Variants in SCYL2 observed in about 807,000 individuals in gnomAD.
The protein encoded by SCYL2 is SCY1 like pseudokinase 2.
In SCYL2, 36 loss-of-function variants were observed where a neutral mutation model predicts 100.4. The ratio of observed to expected loss-of-function variants is 0.36; its 90% CI spans 0.27 to 0.47. The LOEUF (loss-of-function observed/expected upper bound fraction) is 0.47. Ranked by LOEUF, SCYL2 falls within the 20% of genes least tolerant of loss-of-function variation. The pLI is 1.00. For missense variants in SCYL2, 902 were observed against 1,083.9 expected, an observed-to-expected ratio of 0.83 and a Z score of 2.36; for synonymous variants, 330 against 359.2, an observed-to-expected ratio of 0.92 and a Z score of 0.92.
At chr12:100,290,078 G>C (rs1308099871) in intron 2 of SCYL2, among the ~76,000 whole-genome samples, 1 of 152,084 alleles carries the variant, frequency 6.6e-6, no homozygotes, top group African/African-American at 2.4e-5. Flanking sequence ...GAATATGTCA[G>C]GTATTACAAT....
intron 17 of SCYL2, 119 bp downstream of exon 17, chr12:100,337,625 T>TG (rs1309057001): frequency 2.0e-6 from 2 of 1,002,386 alleles, no homozygotes; most frequent in Non-Finnish European, 1.5e-6. Context: ...CCTTAATATG[T>TG]GGTTTCTAAG....
rs1333362781 is a variant in SCYL2, at chr12:100,338,513, T to G, written c.2146-15T>G. 3 of 1,537,936 alleles carry G rather than the reference T, an allele frequency of 2.0e-6. No individual in the cohort carries two copies. The highest frequency in any genetic ancestry group is 2.6e-6 in the Non-Finnish European group (3 of 1,137,016). On this transcript the variant is annotated splice_polypyrimidine_tract_variant and intron_variant, in intron 17 of 17. Transcript: ENST00000360820. ...ATATTTCTTAGAGATAAAGTAATTC[T>G]CTCATATTTTTCAGACTAAGGACTT... is the stretch of plus-strand genomic sequence containing the variant.
intron 3 of SCYL2, among the ~76,000 whole-genome samples, chr12:100,292,587 C>CT (rs1204843553): frequency 6.6e-6 from 1 of 152,008 alleles, no homozygotes; most frequent in Non-Finnish European, 1.5e-5. Context: ...GGCACAAGAT[C>CT]TTTTTTTTAA....
chr12:100,302,330 G>C (rs919567214), intron 4 of SCYL2, among the ~76,000 whole-genome samples: 5 of 152,158 alleles, frequency 3.3e-5, no homozygotes, highest in African/African-American at 1.2e-4. Context: ...CCCAGCCCAG[G>C]ACTAAGAGTT....
chr12:100,277,350 A>G (rs1379689337), intron 1 of SCYL2, among the ~76,000 whole-genome samples: 1 of 152,176 alleles, frequency 6.6e-6, no homozygotes, highest in Non-Finnish European at 1.5e-5. Flanking sequence ...ACTAAGTGAG[A>G]ACTCTTGAAG....
At chr12:100,315,074 A>C (rs1255767431) in intron 8 of SCYL2, among the ~76,000 whole-genome samples, 1 of 152,238 alleles carries the variant, frequency 6.6e-6, no homozygotes, top group Non-Finnish European at 1.5e-5. Flanking sequence ...CCAGTGTTTA[A>C]TCTATCAGAT....
At chr12:100,294,107 G>A (rs866332903) in intron 3 of SCYL2, among the ~76,000 whole-genome samples, 27 of 140,852 alleles carry the variant, frequency 1.9e-4, no homozygotes, top group African/African-American at 2.8e-4. Flanking sequence ...AGGGGCGGCC[G>A]GGCAGAGGCG....
At chr12:100,310,636 A>C (rs957354581) in intron 4 of SCYL2, among the ~76,000 whole-genome samples, 1 of 152,220 alleles carries the variant, frequency 6.6e-6, no homozygotes, top group Non-Finnish European at 1.5e-5. Context: ...GTATAATGCT[A>C]TTCAGGAAAA....
intron 2 of SCYL2, among the ~76,000 whole-genome samples, chr12:100,289,618 T>C (rs1188549022): frequency 6.6e-6 from 1 of 152,234 alleles, no homozygotes; most frequent in African/African-American, 2.4e-5. Flanking sequence ...ACTTTAGCTG[T>C]AGAGTGTATT....
chr12:100,289,797 G>GT (rs1372941525), intron 2 of SCYL2, among the ~76,000 whole-genome samples: 2 of 152,108 alleles, frequency 1.3e-5, no homozygotes, highest in African/African-American at 4.8e-5. Context: ...TATGCTGCAT[G>GT]TTTTTTTCTG....
At chr12:100,323,273 A>T (rs2096358190) in intron 10 of SCYL2, among the ~76,000 whole-genome samples, 1 of 152,132 alleles carries the variant, frequency 6.6e-6, no homozygotes, top group South Asian at 2.1e-4. Context: ...GGGAGTTTGG[A>T]TGTCATACAC....
intron 3 of SCYL2, among the ~76,000 whole-genome samples, chr12:100,294,963 GTC>G (rs895652370): frequency 6.7e-6 from 1 of 148,920 alleles, no homozygotes; most frequent in African/African-American, 2.5e-5. Flanking sequence ...CAGGCAGAGG[GTC>G]TCCTCACTTC....
rs183440896 is a variant in SCYL2 at position 100,295,867 on chromosome 12, G to T, written c.336-2164G>T. Among the ~76,000 whole-genome samples, 286 of 152,228 alleles carry T rather than the reference G, an allele frequency of 1.9e-3. 5 individuals carry two copies. The highest frequency in any genetic ancestry group is 6.7e-3 in the African/African-American group (278 of 41,540). Reference sequence around the variant, plus strand: ...ATGGACAGAACTGGAAACTGGGGCAGACTGGAGTTGCCAGCCTAGGCTGGG... The same window carrying T: ...ATGGACAGAACTGGAAACTGGGGCATACTGGAGTTGCCAGCCTAGGCTGGG... On this transcript the variant is annotated intron_variant, in intron 3 of 17. Transcript: ENST00000360820.
intron 3 of SCYL2, among the ~76,000 whole-genome samples, chr12:100,297,020 C>G (rs1592943087): frequency 6.6e-6 from 1 of 152,166 alleles, no homozygotes; most frequent in African/African-American, 2.4e-5. Context: ...AAGGACATAA[C>G]TGCCATTTAA....
At position 100,317,784 on chromosome 12, in the gene SCYL2, G is replaced by A. The variant is rs201633886; in HGVS notation, c.1273-19G>A. On this transcript the variant is annotated intron_variant, in intron 9 of 17. Coordinates refer to ENST00000360820, the MANE Select transcript of SCYL2 (RefSeq NM_017988.6). ...TAAAGATTCCAGGTTTTAATACATT[G>A]TTTCCGTTTTCTAAACAGATTTTGT... 33 of 1,580,848 alleles carry A rather than the reference G, an allele frequency of 2.1e-5. No homozygotes were observed. The East Asian group carries it at 7.4e-4, about 35-fold the overall frequency.
chr12:100,324,458 A>T (rs959692217), intron 11 of SCYL2, among the ~76,000 whole-genome samples: 1 of 152,194 alleles, frequency 6.6e-6, no homozygotes, highest in Non-Finnish European at 1.5e-5. Flanking sequence ...TTCTCTGGAG[A>T]TCCCGTCTTT....
chr12:100,301,848 A>G (rs1332638035), intron 4 of SCYL2, among the ~76,000 whole-genome samples: 2 of 152,208 alleles, frequency 1.3e-5, no homozygotes, highest in East Asian at 3.9e-4. Context: ...GTCTTTCACC[A>G]TAGCCACCAC....
chr12:100,307,193 C>T (rs2096335613), intron 4 of SCYL2, among the ~76,000 whole-genome samples: 2 of 152,202 alleles, frequency 1.3e-5, no homozygotes, highest in South Asian at 2.1e-4. Flanking sequence ...CAAGACAAAC[C>T]TAAGCAAAAA....
In SCYL2 at chr12:100,303,023, T is replaced by G. The variant is rs139160462; in HGVS notation, c.480+4848T>G. 4.8e-3 allele frequency among the ~76,000 whole-genome samples: 733 copies of G among 152,204 alleles called. 7 individuals carry two copies. Among genetic ancestry groups the G allele is most frequent in the Middle Eastern group, 0.02 (6 of 294 alleles). The stretch of plus-strand genomic sequence containing the variant: ...AGTTGATCTTCAGTCTCTGATATCC[T>G]TTCTTCCGCTTGATCGATTCAGCTA... On this transcript the variant is annotated intron_variant, in intron 4 of 17. Coordinates refer to ENST00000360820, the MANE Select transcript of SCYL2 (RefSeq NM_017988.6).
Sources: allele counts gnomAD v4.1 joint callset (sites outside exome capture counted in the v4.1 genomes callset), GRCh38; gene constraint gnomAD v4.1.1; transcripts MANE v1.5; gene names NCBI Gene and HGNC (gene_info 2026-07-23, HGNC 2026-07-21).